Variants in GALNT13 observed in about 807,000 individuals in gnomAD.
GALNT13 encodes the protein UDP-GalNAc:polypeptide N-acetylgalactosaminyltransferase 13.
In GALNT13, 28 loss-of-function variants were observed where a neutral mutation model predicts 64.2. The ratio of observed to expected loss-of-function variants is 0.44; its 90% CI spans 0.32 to 0.60. GALNT13 has a LOEUF of 0.60. Among genes scored for constraint, GALNT13 ranks in the 20% least tolerant of loss-of-function variants. The pLI, the probability that GALNT13 is intolerant of heterozygous loss-of-function variation, is 0.05. For missense variants in GALNT13, 577 were observed against 669.8 expected (o/e 0.86, Z 1.53); for synonymous variants, 214 against 224.6 (o/e 0.95, Z 0.42).
At chr2:153,275,019 T>A in the GALNT13 span, among the ~76,000 whole-genome samples, 1 of 152,316 alleles carries the variant, frequency 6.6e-6, no homozygotes, top group Admixed American at 6.5e-5. Flanking sequence ...AGTCCTTTTG[T>A]CTTTTAAAAA....
chr2:153,961,261 G>A (rs1035274746), intron 3 of GALNT13, among the ~76,000 whole-genome samples: 2 of 152,174 alleles, frequency 1.3e-5, no homozygotes, highest in Non-Finnish European at 2.9e-5. Context: ...TTAAGTGAAT[G>A]AAATGTCAGC....
the GALNT13 span, among the ~76,000 whole-genome samples, chr2:153,352,488 G>T: frequency 6.6e-6 from 1 of 151,946 alleles, no homozygotes; most frequent in African/African-American, 2.4e-5. Context: ...TTTCTCTCAT[G>T]GATTATGTCT....
At chr2:154,199,515 CA>C (rs1417339016) in intron 4 of GALNT13, among the ~76,000 whole-genome samples, 2 of 151,842 alleles carry the variant, frequency 1.3e-5, no homozygotes, top group African/African-American at 4.8e-5. Flanking sequence ...AATATCTTAC[CA>C]AAAATGGTTG....
intron 3 of GALNT13, among the ~76,000 whole-genome samples, chr2:154,131,799 A>T (rs1410821388): frequency 6.6e-6 from 1 of 152,194 alleles, no homozygotes; most frequent in Non-Finnish European, 1.5e-5. Flanking sequence ...CTGTAAGCTG[A>T]GGAGCAAGGA....
At chr2:154,191,918 C>CT (rs1461132433) in intron 4 of GALNT13, among the ~76,000 whole-genome samples, 4 of 152,180 alleles carry the variant, frequency 2.6e-5, no homozygotes, top group Non-Finnish European at 4.4e-5. Context: ...AGAGGGCTTT[C>CT]TGTATCCCAG....
At chr2:153,844,090 A>G in the GALNT13 span, among the ~76,000 whole-genome samples, 2 of 152,002 alleles carry the variant, frequency 1.3e-5, no homozygotes, top group Non-Finnish European at 2.9e-5. Flanking sequence ...ATACAGCTCC[A>G]CTAGGCAGTG....
the GALNT13 span, among the ~76,000 whole-genome samples, chr2:153,168,541 A>G: frequency 6.6e-6 from 1 of 152,118 alleles, no homozygotes; most frequent in African/African-American, 2.4e-5. Flanking sequence ...CCGTGTGTGG[A>G]GGGGTGTGTG....
At position 154,043,455 on chromosome 2, in the gene GALNT13, T is replaced by TATACACAC. The variant is rs1341373277; in HGVS notation, c.143-96881_143-96880insTACACACA. 5.5e-3 allele frequency among the ~76,000 whole-genome samples: 572 copies of TATACACAC among 104,656 alleles called. 3 individuals are homozygous for TATACACAC. The highest frequency in any genetic ancestry group is 0.013 in the African/African-American group (321 of 24,616). The allele number at this position is 104,656 out of a possible 152,430, so 68.7% of individuals were successfully genotyped here. ...ATATATATATATATATATATATATA[T>TATACACAC]ACACACATGTATACATAAAAACATG... is the stretch of plus-strand genomic sequence containing the variant. On this transcript the variant is annotated intron_variant, in intron 3 of 12. Transcript: ENST00000392825.
intron 9 of GALNT13, among the ~76,000 whole-genome samples, chr2:154,383,898 CAT>C (rs59341253): frequency 0.37 from 56,440 of 151,126 alleles, 10,619 homozygotes; most frequent in Middle Eastern, 0.45. Context: ...CTAAAACATA[CAT>C]ATATATGTGT....
chr2:153,347,547 C>T, the GALNT13 span, among the ~76,000 whole-genome samples: 1 of 152,252 alleles, frequency 6.6e-6, no homozygotes, highest in South Asian at 2.1e-4. Context: ...GATGAAATTA[C>T]ATAAAGCCAT....
chr2:153,455,080 TAGGA>T, the GALNT13 span, among the ~76,000 whole-genome samples: 2 of 152,070 alleles, frequency 1.3e-5, no homozygotes, highest in African/African-American at 4.8e-5. Context: ...ACATTGGGGA[TAGGA>T]AGGAAGGGTT....
At chr2:153,306,715 C>G in the GALNT13 span, among the ~76,000 whole-genome samples, 1 of 152,068 alleles carries the variant, frequency 6.6e-6, no homozygotes, top group African/African-American at 2.4e-5. Context: ...AAATAGGGAC[C>G]ATTAAGCATA....
the GALNT13 span, among the ~76,000 whole-genome samples, chr2:153,377,425 T>A: frequency 6.6e-6 from 1 of 152,058 alleles, no homozygotes; most frequent in African/African-American, 2.4e-5. Flanking sequence ...GCAAGAGGTG[T>A]TTTGGTCATG....
At chr2:153,837,301 G>A in the GALNT13 span, among the ~76,000 whole-genome samples, 2 of 152,130 alleles carry the variant, frequency 1.3e-5, no homozygotes, top group African/African-American at 2.4e-5. Flanking sequence ...CTGCATAAAT[G>A]TCTTCTTTTG....
the GALNT13 span, among the ~76,000 whole-genome samples, chr2:153,677,292 C>T: frequency 0.028 from 1,330 of 46,942 alleles, 19 homozygotes; most frequent in African/African-American, 0.059. Context: ...CATACACACA[C>T]ACACACACAC....
the GALNT13 span, chr2:153,371,117 A>G: frequency 1.2e-5 from 2 of 162,714 alleles, no homozygotes; most frequent in South Asian, 3.4e-4. Flanking sequence ...CCAAGACAAA[A>G]AAAGCATTTA....
intron 3 of GALNT13, among the ~76,000 whole-genome samples, chr2:154,057,440 C>A (rs911681061): frequency 2.0e-5 from 3 of 152,248 alleles, no homozygotes; most frequent in South Asian, 2.1e-4. Context: ...TTCCCTTTTT[C>A]TCTTCTTTTT....
chr2:154,020,335 A>G (rs1267916754), intron 3 of GALNT13, among the ~76,000 whole-genome samples: 12 of 152,034 alleles, frequency 7.9e-5, no homozygotes, highest in African/African-American at 2.7e-4. Context: ...AAGTGTTCCT[A>G]TTTCTCCACA....
intron 10 of GALNT13, among the ~76,000 whole-genome samples, chr2:154,405,099 G>T (rs115809759): frequency 2.4e-3 from 363 of 152,000 alleles, no homozygotes; most frequent in African/African-American, 8.3e-3. Flanking sequence ...ATAAGACAGA[G>T]GAAAAGTGTA....
Sources: allele counts gnomAD v4.1 joint callset (sites outside exome capture counted in the v4.1 genomes callset), GRCh38; gene constraint gnomAD v4.1.1; transcripts MANE v1.5; gene names NCBI Gene and HGNC (gene_info 2026-07-23, HGNC 2026-07-21).